Variants in FRMD4A observed in about 807,000 individuals in gnomAD.
FRMD4A encodes FERM domain containing 4A.
A neutral mutation model predicts 129.1 loss-of-function variants in FRMD4A; 29 were observed. That is an observed-to-expected ratio of 0.22 (90% CI 0.17 to 0.31). The LOEUF is 0.31. FRMD4A is among the 10% of genes least tolerant of loss of function. The probability of loss-of-function intolerance (pLI) is 1.00; values close to 1 mark genes in which losing one functional copy is unlikely to be tolerated. For synonymous variants in FRMD4A, 634 were observed against 571.6 expected (o/e 1.11, Z -1.56); for missense variants, 1,272 against 1,375.8 (o/e 0.92, Z 1.19).
At chr10:14,241,015 T>A (rs61836097) in intron 2 of FRMD4A, among the ~76,000 whole-genome samples, 1 of 152,100 alleles carries the variant, frequency 6.6e-6, no homozygotes, top group Non-Finnish European at 1.5e-5. Flanking sequence ...CCCTACTGAT[T>A]GATCCTTTTA....
At chr10:14,060,506 A>G (rs564023686) in intron 2 of FRMD4A, among the ~76,000 whole-genome samples, 2 of 152,150 alleles carry the variant, frequency 1.3e-5, no homozygotes, top group Non-Finnish European at 2.9e-5. Context: ...CCAGCCAGGC[A>G]CTCTTGCTTC....
At chr10:13,789,769 ATG>A (rs57602565) in intron 5 of FRMD4A, among the ~76,000 whole-genome samples, 34,305 of 130,006 alleles carry the variant, frequency 0.26, 4,615 homozygotes, top group East Asian at 0.42. Context: ...GCTGCTTATA[ATG>A]TGTGTGTGTG....
chr10:14,000,867 A>T (rs1031043770), intron 2 of FRMD4A, among the ~76,000 whole-genome samples: 1 of 152,062 alleles, frequency 6.6e-6, no homozygotes, highest in African/African-American at 2.4e-5. Context: ...TCTAGACTCT[A>T]TGACTTCGGA....
At chr10:13,832,497 C>A (rs2093805850) in intron 3 of FRMD4A, among the ~76,000 whole-genome samples, 1 of 152,178 alleles carries the variant, frequency 6.6e-6, no homozygotes, top group South Asian at 2.1e-4. Flanking sequence ...GCCTGGGGCA[C>A]CCTCGGGATT....
At chr10:14,055,194 T>C (rs1244022288) in intron 2 of FRMD4A, among the ~76,000 whole-genome samples, 1 of 152,188 alleles carries the variant, frequency 6.6e-6, no homozygotes, top group Non-Finnish European at 1.5e-5. Flanking sequence ...TCAGTCACTT[T>C]GTTAATAAAA....
At chr10:14,228,009 G>A (rs1415737538) in intron 2 of FRMD4A, among the ~76,000 whole-genome samples, 3 of 152,032 alleles carry the variant, frequency 2.0e-5, no homozygotes, top group Non-Finnish European at 2.9e-5. Flanking sequence ...AAGGAGCTGC[G>A]ACTACAGGTG....
At chr10:14,153,593 C>G (rs959434780) in intron 2 of FRMD4A, among the ~76,000 whole-genome samples, 1 of 152,042 alleles carries the variant, frequency 6.6e-6, no homozygotes, top group Non-Finnish European at 1.5e-5. Flanking sequence ...CATATACAGA[C>G]GGTCACTCCT....
At chr10:13,931,959 CAA>C (rs1316565426) in intron 2 of FRMD4A, among the ~76,000 whole-genome samples, 2 of 151,662 alleles carry the variant, frequency 1.3e-5, no homozygotes, top group African/African-American at 4.8e-5. Flanking sequence ...AAAAACCAAC[CAA>C]CCAACCAACC....
At chr10:14,174,875 GTGTC>G (rs199505960) in intron 2 of FRMD4A, among the ~76,000 whole-genome samples, 719 of 33,832 alleles carry the variant, frequency 0.021, 4 homozygotes, top group South Asian at 0.054. Flanking sequence ...AAGTGTGTGT[GTGTC>G]TGTGTGTGTG....
intron 8 of FRMD4A, among the ~76,000 whole-genome samples, chr10:13,748,953 C>T (rs186077790): frequency 3.3e-5 from 5 of 152,322 alleles, no homozygotes; most frequent in African/African-American, 9.6e-5. Context: ...TAGACTCACA[C>T]ATGCTTAGGT....
intron 2 of FRMD4A, among the ~76,000 whole-genome samples, chr10:14,221,815 A>G (rs1268814214): frequency 1.3e-5 from 2 of 152,010 alleles, no homozygotes; most frequent in African/African-American, 4.8e-5. Context: ...TCACCCTCCC[A>G]AAGTGCTGGG....
intron 2 of FRMD4A, chr10:14,326,096 T>C (rs1035080892): frequency 6.6e-6 from 1 of 152,204 alleles, no homozygotes; most frequent in African/African-American, 2.4e-5. Context: ...AATAGAACCT[T>C]GAAAAAATGG....
intron 15 of FRMD4A, chr10:13,685,414 C>A (rs770355043): frequency 6.9e-5 from 68 of 985,004 alleles, no homozygotes; most frequent in Non-Finnish European, 8.1e-5. Context: ...TTAGCAGCAT[C>A]CAGTAAAATA....
At chr10:14,306,402 T>G (rs1846353757) in intron 2 of FRMD4A, among the ~76,000 whole-genome samples, 1 of 152,218 alleles carries the variant, frequency 6.6e-6, no homozygotes, top group Non-Finnish European at 1.5e-5. Context: ...AGCCCACAGA[T>G]GCTCCAAAAT....
At chr10:14,164,760 T>C (rs1469462289) in intron 2 of FRMD4A, among the ~76,000 whole-genome samples, 1 of 152,226 alleles carries the variant, frequency 6.6e-6, no homozygotes, top group Admixed American at 6.5e-5. Flanking sequence ...AATATCTGCT[T>C]TCCAAAATTC....
chr10:13,776,285 G>GT (rs1285820987), intron 6 of FRMD4A, among the ~76,000 whole-genome samples: 1 of 151,812 alleles, frequency 6.6e-6, no homozygotes, highest in Non-Finnish European at 1.5e-5. Flanking sequence ...TAATTTTTGT[G>GT]TTTTTTGTAG....
At chr10:13,883,227 C>T (rs1205422911) in intron 2 of FRMD4A, among the ~76,000 whole-genome samples, 2 of 151,934 alleles carry the variant, frequency 1.3e-5, no homozygotes, top group East Asian at 1.9e-4. Flanking sequence ...CGTTGGCTCA[C>T]GGCTGTAATC....
chr10:14,160,622 G>T (rs1301502372), intron 2 of FRMD4A, among the ~76,000 whole-genome samples: 1 of 152,172 alleles, frequency 6.6e-6, no homozygotes, highest in Non-Finnish European at 1.5e-5. Flanking sequence ...CCATTAAAAT[G>T]TGGGCAAAGG....
At chr10:13,920,913 T>C (rs1351816541) in intron 2 of FRMD4A, among the ~76,000 whole-genome samples, 1 of 152,240 alleles carries the variant, frequency 6.6e-6, no homozygotes, top group Non-Finnish European at 1.5e-5. Flanking sequence ...CAATTCTCAC[T>C]ATGTGCCAGG....
Sources: gnomAD v4.1 joint callset for allele counts (sites outside exome capture counted in the v4.1 genomes callset) on GRCh38, gnomAD v4.1.1 for gene constraint, MANE v1.5 for transcripts, NCBI Gene and HGNC (gene_info 2026-07-23, HGNC 2026-07-21) for gene names.